Variants in MRPS28 observed in about 807,000 individuals in gnomAD.
MRPS28 encodes small ribosomal subunit protein bS1m.
A neutral mutation model predicts 10.8 loss-of-function variants in MRPS28; 7 were observed. The observed-to-expected ratio is 0.65, with a 90% CI of 0.37 to 1.22. MRPS28 has a LOEUF of 1.22. Ranked by LOEUF, MRPS28 falls within the 50% of genes most tolerant of loss-of-function variation. The pLI is 0.02. For missense variants in MRPS28, 265 were observed against 232.9 expected (o/e 1.14, Z -0.90); for synonymous variants, 121 against 93.3 (o/e 1.30, Z -1.71).
chr8:80,029,805 C>A, intron 1 of MRPS28: 2 of 1,525,852 alleles, frequency 1.3e-6, no homozygotes, highest in African/African-American at 2.7e-5. Context: ...GCAGTGTGGA[C>A]AGACCCGGCC....
At chr8:80,001,993 T>C (rs1051602918) in intron 2 of MRPS28, among the ~76,000 whole-genome samples, 2 of 152,116 alleles carry the variant, frequency 1.3e-5, no homozygotes, top group Admixed American at 1.3e-4. Flanking sequence ...TATTTACTCA[T>C]ATATCATTAA....
At chr8:80,025,702 A>C (rs1444236559) in intron 1 of MRPS28, among the ~76,000 whole-genome samples, 1 of 152,216 alleles carries the variant, frequency 6.6e-6, no homozygotes, top group Non-Finnish European at 1.5e-5. Flanking sequence ...ACTTGTGTTA[A>C]GTGTTTTAAA....
chr8:79,977,846 A>C (rs1392574938), intron 2 of MRPS28, among the ~76,000 whole-genome samples: 1 of 151,798 alleles, frequency 6.6e-6, no homozygotes, highest in Non-Finnish European at 1.5e-5. Context: ...TAATACATAA[A>C]GATATATGTA....
chr8:79,954,807 T>A (rs1053615238), intron 2 of MRPS28, among the ~76,000 whole-genome samples: 5 of 152,168 alleles, frequency 3.3e-5, no homozygotes, highest in Non-Finnish European at 7.3e-5. Flanking sequence ...CTCTTCTCTA[T>A]CTTGAAATAT....
In MRPS28 at chr8:79,939,862, C is replaced by A. The variant is rs374132315; in HGVS notation, c.396-20714G>T. On this transcript the variant is annotated intron_variant, in intron 2 of 2. Transcript: ENST00000276585. ...GCGGGCGCCTGTAGTCCCAGCTACTCGGGAGGCTGAGGCAGGAGAATGGCG... is the reference window on the plus strand; with the variant it reads ...GCGGGCGCCTGTAGTCCCAGCTACTAGGGAGGCTGAGGCAGGAGAATGGCG... 2.6e-3 allele frequency among the ~76,000 whole-genome samples: 398 copies of A among 151,480 alleles called. 8 individuals are homozygous for A. The highest frequency in any genetic ancestry group is 9.2e-3 in the African/African-American group (378 of 41,266).
intron 2 of MRPS28, among the ~76,000 whole-genome samples, chr8:79,986,523 A>G (rs1167215969): frequency 6.6e-6 from 1 of 151,992 alleles, no homozygotes; most frequent in East Asian, 1.9e-4. Context: ...TATCTAGAAA[A>G]CCCCGTTGTC....
intron 2 of MRPS28, among the ~76,000 whole-genome samples, chr8:79,977,081 G>T (rs979265786): frequency 1.3e-5 from 2 of 151,904 alleles, no homozygotes; most frequent in Admixed American, 1.3e-4. Flanking sequence ...CCTTCATAAT[G>T]AAAAAAATGC....
chr8:79,971,860 G>A (rs1054133987), intron 2 of MRPS28, among the ~76,000 whole-genome samples: 4 of 152,038 alleles, frequency 2.6e-5, no homozygotes, highest in African/African-American at 9.7e-5. Context: ...ACGCCACCAC[G>A]TCTGGCTAAT....
intron 2 of MRPS28, among the ~76,000 whole-genome samples, chr8:79,991,866 C>A (rs1339437994): frequency 6.6e-6 from 1 of 150,986 alleles, no homozygotes; most frequent in Non-Finnish European, 1.5e-5. Flanking sequence ...GCAGAAGTGA[C>A]AATGTGTGAC....
intron 2 of MRPS28, among the ~76,000 whole-genome samples, chr8:79,971,646 A>G (rs1389729689): frequency 6.6e-6 from 1 of 152,162 alleles, no homozygotes; most frequent in Non-Finnish European, 1.5e-5. Context: ...TCTTTCACTG[A>G]GCATAATGTT....
At chr8:79,929,674 CA>C (rs1459201614) in intron 2 of MRPS28, among the ~76,000 whole-genome samples, 1 of 151,756 alleles carries the variant, frequency 6.6e-6, no homozygotes, top group Non-Finnish European at 1.5e-5. Flanking sequence ...AGATTCACAG[CA>C]GTTTAATACG....
intron 2 of MRPS28, among the ~76,000 whole-genome samples, chr8:79,996,447 T>C (rs1417266628): frequency 6.6e-6 from 1 of 152,200 alleles, no homozygotes; most frequent in African/African-American, 2.4e-5. Context: ...GAAACTTCTT[T>C]CTCATAGTTC....
chr8:79,919,282 T>C (rs1352461665), intron 2 of MRPS28, 134 bp from the exon 3 acceptor site: 4 of 599,674 alleles, frequency 6.7e-6, no homozygotes, highest in South Asian at 5.4e-5. Context: ...ATCTTAGAAA[T>C]AGCTGTATTT....
intron 2 of MRPS28, among the ~76,000 whole-genome samples, chr8:79,924,398 C>T (rs2129859887): frequency 6.6e-6 from 1 of 152,136 alleles, no homozygotes; most frequent in African/African-American, 2.4e-5. Flanking sequence ...CACAGTCATA[C>T]CAATCTATAT....
chr8:79,997,040 A>C (rs886137631), intron 2 of MRPS28, among the ~76,000 whole-genome samples: 1 of 152,236 alleles, frequency 6.6e-6, no homozygotes, highest in Admixed American at 6.5e-5. Flanking sequence ...TATATAAGAC[A>C]ATATACATAA....
intron 2 of MRPS28, among the ~76,000 whole-genome samples, chr8:79,970,486 TATC>T (rs1807604199): frequency 6.6e-6 from 1 of 152,228 alleles, no homozygotes; most frequent in Non-Finnish European, 1.5e-5. Flanking sequence ...TCAACAATTT[TATC>T]ATCAAGAAGT....
At chr8:80,000,166 G>A (rs1021603357) in intron 2 of MRPS28, among the ~76,000 whole-genome samples, 3 of 152,204 alleles carry the variant, frequency 2.0e-5, no homozygotes, top group Non-Finnish European at 2.9e-5. Flanking sequence ...TTGAATGAAT[G>A]AGTGAATGAA....
At chr8:79,946,257 C>T (rs575440528) in intron 2 of MRPS28, among the ~76,000 whole-genome samples, 10 of 152,220 alleles carry the variant, frequency 6.6e-5, no homozygotes, top group Admixed American at 3.9e-4. Flanking sequence ...TATCTCTCTT[C>T]TGGGCTCATC....
At chr8:80,029,037 T>C (rs1809573739) in intron 1 of MRPS28, among the ~76,000 whole-genome samples, 2 of 151,810 alleles carry the variant, frequency 1.3e-5, no homozygotes, top group Non-Finnish European at 2.9e-5. Context: ...CAGGAAGAGA[T>C]TCTCCTAGAA....
Sources: gnomAD v4.1 joint callset for allele counts (sites outside exome capture counted in the v4.1 genomes callset) on GRCh38, gnomAD v4.1.1 for gene constraint, MANE v1.5 for transcripts, NCBI Gene and HGNC (gene_info 2026-07-23, HGNC 2026-07-21) for gene names.